Variants in F11R observed in about 807,000 individuals in gnomAD.
F11R encodes F11 receptor, also known as junctional adhesion molecule A.
In F11R, 27 loss-of-function variants were observed where a neutral mutation model predicts 39.3. The observed-to-expected ratio is 0.69, with a 90% CI of 0.51 to 0.95. F11R has a LOEUF of 0.95. F11R is among the 40% of genes least tolerant of loss of function. F11R has a pLI of 0.00. For synonymous variants in F11R, 131 were observed against 144.9 expected (o/e 0.90, Z 0.69); for missense variants, 335 against 372.7 (o/e 0.90, Z 0.83).
intron 9 of F11R, 58 bp from the exon 10 acceptor site, chr1:160,998,964 A>C (rs2101965898): frequency 6.2e-7 from 1 of 1,613,808 alleles, no homozygotes; most frequent in Non-Finnish European, 8.5e-7. Flanking sequence ...GATAATCCCC[A>C]AAACACATAA....
At chr1:161,009,635 T>G (rs1486064577) in intron 1 of F11R, among the ~76,000 whole-genome samples, 1 of 152,202 alleles carries the variant, frequency 6.6e-6, no homozygotes, top group Middle Eastern at 3.2e-3. Context: ...TCCCCCATGC[T>G]CTACTTACAT....
rs764335444 is a variant in F11R at position 160,999,885 on chromosome 1, T to C, written c.685A>G (p.Met229Val). The C allele has an allele frequency of 1.9e-6, 3 of 1,614,136 alleles. No individual in the cohort carries two copies. The highest frequency in any genetic ancestry group is 1.1e-5 in the South Asian group (1 of 91,080). Residue 229 changes from methionine to valine, a missense_variant, in exon 6 of 10, where the codon ATG becomes GTG. Met to Val is a conservative substitution (Grantham distance 21, BLOSUM62 1). Transcript: ENST00000368026. ...AAGCCCTAACTCTCACCAGCTTCCA[T>C]GCGCACAGCATTTGAAGTCATGGGT... ...GTPMTSNAVR[M>V]EAVERNVGVI...
chr1:161,007,987 C>T (rs578148532), intron 1 of F11R, among the ~76,000 whole-genome samples: 2 of 152,270 alleles, frequency 1.3e-5, no homozygotes, highest in South Asian at 4.1e-4. Flanking sequence ...CTCTTCACAG[C>T]CCCCCTTTTG....
chr1:161,000,810 G>A (rs991499418), intron 3 of F11R, 33 bp from the exon 4 acceptor site: 1 of 1,613,564 alleles, frequency 6.2e-7, no homozygotes, highest in Admixed American at 1.7e-5. Context: ...CAAGGACAGA[G>A]TGAACTGGAG....
At chr1:161,004,998 T>C (rs1158027734) in intron 1 of F11R, among the ~76,000 whole-genome samples, 1 of 151,110 alleles carries the variant, frequency 6.6e-6, no homozygotes, top group African/African-American at 2.4e-5. Flanking sequence ...TCGTCTCTAG[T>C]AAAAGTACAA....
At chr1:161,016,344 C>T (rs573063493) in intron 1 of F11R, among the ~76,000 whole-genome samples, 127 of 152,110 alleles carry the variant, frequency 8.3e-4, no homozygotes, top group Non-Finnish European at 1.1e-3. Flanking sequence ...GGCATGGTGG[C>T]GGGCGCCTGT....
chr1:161,015,570 A>T (rs1182924627), intron 1 of F11R, among the ~76,000 whole-genome samples: 3 of 142,234 alleles, frequency 2.1e-5, no homozygotes, highest in African/African-American at 7.9e-5. Context: ...CTCCCTGGGC[A>T]ACACAGCAAG....
At position 160,998,881 on chromosome 1, in the gene F11R, A is replaced by C. The variant is rs945515929; in HGVS notation, c.890T>G (p.Phe297Cys). Residue 297 changes from phenylalanine to cysteine, a missense_variant, in exon 10 of 10, where the codon TTC becomes TGC. By Grantham distance (205) the Phe-to-Cys change is radical. Coordinates refer to ENST00000368026, the MANE Select transcript of F11R (RefSeq NM_016946.6). ...SEGEFKQTSS[F>C]LV ...GTGAGCCGACCAGGCTCACACCAGG[A>C]ATGACGAGGTCTGTTTGAATTCTCC... is the stretch of plus-strand genomic sequence containing the variant. The C allele has an allele frequency of 1.9e-6, 3 of 1,614,210 alleles. No individual in the cohort carries two copies. The highest frequency in any genetic ancestry group is 1.7e-6 in the Non-Finnish European group (2 of 1,180,030).
chr1:161,000,320 G>C lies in F11R; in HGVS notation c.417C>G (p.Ile139Met). Residue 139 changes from isoleucine (I) to methionine (M), a missense_variant, in exon 5 of 10, where the codon ATC (isoleucine) becomes ATG (methionine). Physicochemically the swap from Ile to Met is conservative, Grantham distance 10. Coordinates refer to ENST00000368026, the MANE Select transcript of F11R (RefSeq NM_016946.6). ...GGTTCCCAATGGTGGCAGAGGAGGG[G>C]ATGTTAACTGTAGGCTTGGATGGAG... The part of the protein sequence containing the change: ...LVPPSKPTVN[I>M]PSSATIGNRA... 1 of 1,614,080 alleles carries C rather than the reference G, an allele frequency of 6.2e-7. No homozygotes were observed. The highest frequency in any genetic ancestry group is 1.1e-5 in the South Asian group (1 of 91,074).
intron 1 of F11R, among the ~76,000 whole-genome samples, chr1:161,020,412 T>G (rs991444630): frequency 6.6e-6 from 1 of 152,130 alleles, no homozygotes; most frequent in African/African-American, 2.4e-5. Flanking sequence ...TTAGAGAAAT[T>G]TCAGGTTTCT....
chr1:160,999,583 T>A, intron 7 of F11R, 57 bp downstream of exon 7: 1 of 1,546,224 alleles, frequency 6.5e-7, no homozygotes, highest in South Asian at 1.1e-5. Context: ...ATGACACCCA[T>A]GCCAGGCCCT....
chr1:160,998,737 T>A lies in F11R; in HGVS notation c.*134A>T. On this transcript the variant is annotated 3_prime_UTR_variant, in exon 10 of 10. Coordinates refer to ENST00000368026, the MANE Select transcript of F11R (RefSeq NM_016946.6). ...CATAGCTGACATTATTAAAAACACA[T>A]CCGAAGAAGTAGGGGGCCCTGTGGG... is the stretch of plus-strand genomic sequence containing the variant. 1 of 787,888 alleles carries A rather than the reference T, an allele frequency of 1.3e-6. No homozygotes were observed. The highest frequency in any genetic ancestry group is 1.6e-5 in the South Asian group (1 of 63,120). 48.8% of individuals were successfully genotyped at this position (787,888 alleles called of 1,614,324 possible). A position where few individuals can be genotyped will look rare whatever the true frequency, so the allele number is the denominator to read the frequency against.
At chr1:161,012,633 T>TTTAC in intron 1 of F11R, among the ~76,000 whole-genome samples, 1 of 150,302 alleles carries the variant, frequency 6.7e-6, no homozygotes, top group South Asian at 2.1e-4. Flanking sequence ...TATTTATTTA[T>TTTAC]TTATTTTGAG....
At chr1:161,008,964 T>C (rs2988726) in intron 1 of F11R, among the ~76,000 whole-genome samples, 38,275 of 152,024 alleles carry the variant, frequency 0.25, 5,108 homozygotes, top group Middle Eastern at 0.29. Flanking sequence ...TGGAAGAAAG[T>C]TCCAGCACTA....
chr1:161,013,779 C>G (rs927719579), intron 1 of F11R, among the ~76,000 whole-genome samples: 2 of 152,134 alleles, frequency 1.3e-5, no homozygotes, highest in Non-Finnish European at 2.9e-5. Context: ...GGCTCGCTTT[C>G]ACTCCCTGGC....
rs1328613498 is a variant in F11R, at chr1:160,998,843, C to T, written c.*28G>A. ...CGGTAGCACCTGAGTAAGGCAAATG[C>T]AGATGATAGGCGGTGAGCCGACCAG... On this transcript the variant is annotated 3_prime_UTR_variant, in exon 10 of 10. Transcript: ENST00000368026. 6.2e-7 allele frequency: 1 copy of T among 1,613,230 alleles called. No homozygotes were observed. Among genetic ancestry groups the T allele is most frequent in the Non-Finnish European group, 8.5e-7 (1 of 1,179,132 alleles).
intron 1 of F11R, among the ~76,000 whole-genome samples, chr1:161,006,194 A>G (rs1173093848): frequency 1.3e-5 from 2 of 151,588 alleles, no homozygotes; most frequent in Non-Finnish European, 2.9e-5. Context: ...TGTCTGTGGG[A>G]TAGGCTGAGG....
chr1:161,014,091 C>T (rs1351824917), intron 1 of F11R, among the ~76,000 whole-genome samples: 2 of 152,196 alleles, frequency 1.3e-5, no homozygotes, highest in Non-Finnish European at 2.9e-5. Context: ...TTCACTCATA[C>T]TGCTTTCCAC....
At chr1:161,020,194 T>TC (rs1426927348) in intron 1 of F11R, among the ~76,000 whole-genome samples, 1 of 152,092 alleles carries the variant, frequency 6.6e-6, no homozygotes, top group African/African-American at 2.4e-5. Flanking sequence ...CAAGTGAGCC[T>TC]CATTGTTCCT....
Sources: gnomAD v4.1 joint callset for allele counts (sites outside exome capture counted in the v4.1 genomes callset) on GRCh38, gnomAD v4.1.1 for gene constraint, MANE v1.5 for transcripts, NCBI Gene and HGNC (gene_info 2026-07-23, HGNC 2026-07-21) for gene names.